The following SCN4A variants were observed in gnomAD, a reference collection of about 807,000 sequenced individuals.
SCN4A encodes the protein sodium channel protein type 4 subunit alpha.
SCN4A carries 83 observed loss-of-function variants against 162.0 expected under a neutral mutation model. The observed-to-expected ratio is 0.51, with a 90% CI of 0.43 to 0.61. The LOEUF is 0.61. Ranked by LOEUF, SCN4A falls within the 20% of genes least tolerant of loss-of-function variation. The pLI, the probability that SCN4A is intolerant of heterozygous loss-of-function variation, is 0.00. For missense variants in SCN4A, 2,196 were observed against 2,462.5 expected (o/e 0.89, Z 2.29); for synonymous variants, 944 against 985.1 (o/e 0.96, Z 0.78).
chr17:63,948,600 G>T lies in SCN4A; in HGVS notation c.3144+11C>A, dbSNP rs200951234. 4 of 1,611,206 alleles carry T rather than the reference G, an allele frequency of 2.5e-6. No homozygotes were observed. The highest frequency in any genetic ancestry group is 8.5e-7 in the Non-Finnish European group (1 of 1,178,414). On this transcript the variant is annotated intron_variant, in intron 16 of 23. Transcript: ENST00000435607. Reference sequence around the variant, plus strand: ...CCCTGCCCCTGACCCGTGCTCCCAGGCAGTGCCTACCAGAGCCCCACTGCT... The same window carrying T: ...CCCTGCCCCTGACCCGTGCTCCCAGTCAGTGCCTACCAGAGCCCCACTGCT...
At chr17:63,948,422 C>T (rs1353935293) in intron 16 of SCN4A, among the ~76,000 whole-genome samples, 189 bp downstream of exon 16, 1 of 152,178 alleles carries the variant, frequency 6.6e-6, no homozygotes, top group Non-Finnish European at 1.5e-5. Flanking sequence ...AAGGGAGGCA[C>T]CTCTGCCATG....
At chr17:63,948,146 T>G in intron 16 of SCN4A, 83 bp from the exon 17 acceptor site, 1 of 1,185,688 alleles carries the variant, frequency 8.4e-7, no homozygotes, top group South Asian at 1.7e-5. Flanking sequence ...TCTATGCTGC[T>G]GGTTCCCGGG....
chr17:63,961,170 T>TCCCCCCCCCCC, intron 11 of SCN4A, 23 bp downstream of exon 11: 3 of 1,016,008 alleles, frequency 3.0e-6, no homozygotes, highest in Admixed American at 1.9e-5. Flanking sequence ...CCATGAATGA[T>TCCCCCCCCCCC]CCCCTCCCCC....
chr17:63,947,985 T>C lies in SCN4A; in HGVS notation c.3223A>G (p.Ile1075Val). The C allele has an allele frequency of 6.2e-7, 1 of 1,613,940 alleles. No homozygotes were observed. The highest frequency in any genetic ancestry group is 1.3e-5 in the African/African-American group (1 of 75,044). The change falls in exon 17 of 24, where the codon ATC (isoleucine) becomes GTC (valine). Residue 1075 changes from isoleucine (I) to valine (V), a missense_variant. By Grantham distance (29) the Ile-to-Val change is conservative. Coordinates refer to ENST00000435607, the MANE Select transcript of SCN4A (RefSeq NM_000334.4). ...LEYADKVFTYIFIMEMLLKWV... is the reference protein window; with the variant it reads ...LEYADKVFTYVFIMEMLLKWV... Reference sequence around the variant, plus strand: ...TTGAGCAGCATCTCCATGATGAAGATGTAGGTGAAGACCTTGTCGGCATAT... The same window carrying C: ...TTGAGCAGCATCTCCATGATGAAGACGTAGGTGAAGACCTTGTCGGCATAT...
At chr17:63,955,131 C>T (rs905164203) in intron 13 of SCN4A, among the ~76,000 whole-genome samples, 9 of 152,206 alleles carry the variant, frequency 5.9e-5, no homozygotes, top group African/African-American at 1.2e-4. Context: ...TTGATGTTAT[C>T]GTTACTGGAG....
intron 18 of SCN4A, among the ~76,000 whole-genome samples, chr17:63,946,465 C>T (rs3785567): frequency 8.0e-6 from 1 of 124,570 alleles, no homozygotes. Flanking sequence ...TTTTCTTGCC[C>T]CCCCCCCCAC....
chr17:63,942,942 A>G lies in SCN4A; in HGVS notation c.4172T>C (p.Ile1391Thr). Residue 1391 changes from isoleucine to threonine, a missense_variant, in exon 23 of 24, where the codon ATC becomes ACC. Coordinates refer to ENST00000435607, the MANE Select transcript of SCN4A (RefSeq NM_000334.4). ...KVDILYNINM[I>T]FIIIFTGECV... Reference sequence around the variant, plus strand: ...CTCCCCTGTGAAGATGATGATGAAGATCATGTTGATGTTGTACAGGATGTC... The same window carrying G: ...CTCCCCTGTGAAGATGATGATGAAGGTCATGTTGATGTTGTACAGGATGTC... 2 of 1,613,968 alleles carry G rather than the reference A, an allele frequency of 1.2e-6. No individual in the cohort carries two copies. The highest frequency in any genetic ancestry group is 1.7e-6 in the Non-Finnish European group (2 of 1,179,876).
chr17:63,969,476 G>T (rs1337467258), intron 5 of SCN4A, among the ~76,000 whole-genome samples: 1 of 152,160 alleles, frequency 6.6e-6, no homozygotes, highest in Non-Finnish European at 1.5e-5. Flanking sequence ...CGAGGATGCT[G>T]GCAGCTGGCA....
At chr17:63,957,066 G>A (rs772390756) in intron 13 of SCN4A, 96 bp downstream of exon 13, 1 of 824,996 alleles carries the variant, frequency 1.2e-6, no homozygotes, top group Non-Finnish European at 1.9e-6. Context: ...CCATTTTGGA[G>A]AGGATGTGTT....
At chr17:63,956,168 G>A (rs113181958) in intron 13 of SCN4A, among the ~76,000 whole-genome samples, 2,265 of 152,366 alleles carry the variant, frequency 0.015, 51 homozygotes, top group African/African-American at 0.052. Context: ...CTCATGCCAA[G>A]CCCTGAACCA....
At position 63,941,418 on chromosome 17, in the gene SCN4A, C is replaced by T. The variant is rs369430918; in HGVS notation, c.4864G>A (p.Glu1622Lys). The T allele has an allele frequency of 5.5e-5, 88 of 1,613,926 alleles. No homozygotes were observed. Among genetic ancestry groups the T allele is most frequent in the African/African-American group, 9.3e-5 (7 of 74,882 alleles). The stretch of plus-strand genomic sequence containing the variant: ...TCGGGGTCGAACTTCTCCCATGTCT[C>T]GTAGAACATCTCAAAGTCATCTTCA... ...LGEDDFEMFYETWEKFDPDAT... is the reference protein window; with the variant it reads ...LGEDDFEMFYKTWEKFDPDAT... The change falls in exon 24 of 24, where the codon GAG becomes AAG. Residue 1622 changes from glutamate (E) to lysine (K), a missense_variant. Coordinates refer to ENST00000435607, the MANE Select transcript of SCN4A (RefSeq NM_000334.4). This position sits in a 1 kb window ranked among gnomAD's most constrained non-coding sequence, Gnocchi z 6.2.
chr17:63,971,023 C>T, intron 5 of SCN4A, 139 bp downstream of exon 5: 1 of 646,282 alleles, frequency 1.5e-6, no homozygotes, highest in Non-Finnish European at 2.8e-6. Context: ...TCACGTGGGC[C>T]CCTGTATGTC....
rs547866546 is a variant in SCN4A, at chr17:63,971,191, C to A, written c.674G>T (p.Arg225Leu). 6.4e-7 allele frequency: 1 copy of A among 1,564,874 alleles called. No homozygotes were observed. Among genetic ancestry groups the A allele is most frequent in the East Asian group, 2.4e-5 (1 of 42,230 alleles). ...ISALRTFRVLRALKTITVIPG... is the reference protein window; with the variant it reads ...ISALRTFRVLLALKTITVIPG... The stretch of plus-strand genomic sequence containing the variant: ...GATGACCGTGATGGTTTTGAGGGCC[C>A]GCAGCACCCGGAAGGTCCTCAGGGC... The change falls in exon 5 of 24, where the codon CGG becomes CTG. Residue 225 changes from arginine to leucine, a missense_variant. Arg to Leu is a moderately radical substitution (Grantham distance 102). Transcript: ENST00000435607.
intron 12 of SCN4A, among the ~76,000 whole-genome samples, chr17:63,958,002 T>TAAAAAAAAAAAAAAAAAAAAAA (rs60393540): frequency 1.8e-5 from 1 of 55,196 alleles, no homozygotes; most frequent in African/African-American, 6.0e-5. Context: ...AAAACTCCAC[T>TAAAAAAAAAAAAAAAAAAAAAA]AAAAAAAAAA....
chr17:63,950,239 C>T lies in SCN4A; in HGVS notation c.2854-711G>A, dbSNP rs370899890. On this transcript the variant is annotated intron_variant, in intron 14 of 23. Coordinates refer to ENST00000435607, the MANE Select transcript of SCN4A (RefSeq NM_000334.4). This position sits in a 1 kb window ranked among gnomAD's most constrained non-coding sequence, Gnocchi z 4.6. ...AAGAAGAGGGCAACTTGGGGGGCAG[C>T]TCTGTATCCAGAGTGGTGACCAGAA... 5.3e-5 allele frequency among the ~76,000 whole-genome samples: 8 copies of T among 152,272 alleles called. No homozygotes were observed. Among genetic ancestry groups the T allele is most frequent in the Middle Eastern group, 6.8e-3 (2 of 294 alleles).
chr17:63,953,926 A>T (rs1053720312), intron 13 of SCN4A, among the ~76,000 whole-genome samples: 1 of 152,170 alleles, frequency 6.6e-6, no homozygotes, highest in Non-Finnish European at 1.5e-5. Flanking sequence ...GCAGCCCTGA[A>T]GGTCTTTAAT....
In SCN4A at chr17:63,955,804, GTCT is replaced by G. The variant is rs544167385; in HGVS notation, c.2376+1355_2376+1357del. Among the ~76,000 whole-genome samples, 21 of 152,280 alleles carry G rather than the reference GTCT, an allele frequency of 1.4e-4. No individual in the cohort carries two copies. The South Asian group carries it at 4.4e-3, about 32-fold the overall frequency. The stretch of plus-strand genomic sequence containing the variant: ...GGTTCTCCTCTGTAGCTGCAGCATA[GTCT>G]TCTTCTGCAGCTGAGGTGACACCCC... On this transcript the variant is annotated intron_variant, in intron 13 of 23. Coordinates refer to ENST00000435607, the MANE Select transcript of SCN4A (RefSeq NM_000334.4).
chr17:63,946,476 C>CGG (rs1379376895), intron 18 of SCN4A, among the ~76,000 whole-genome samples: 3 of 128,164 alleles, frequency 2.3e-5, no homozygotes, highest in Non-Finnish European at 5.2e-5. Flanking sequence ...CCCCCCCCAC[C>CGG]CCGCCGCAAC....
rs1231074768 is a variant in SCN4A, at chr17:63,950,155, C to T, written c.2854-627G>A. Among the ~76,000 whole-genome samples the T allele has an allele frequency of 6.6e-6, 1 of 152,146 alleles. No homozygotes were observed. The highest frequency in any genetic ancestry group is 1.5e-5 in the Non-Finnish European group (1 of 68,034). On this transcript the variant is annotated intron_variant, in intron 14 of 23. Transcript: ENST00000435607. This position sits in a 1 kb window ranked among gnomAD's most constrained non-coding sequence, Gnocchi z 4.6. ...CTGGGCCAGGCCAGCTTCCCGGCCC[C>T]AGACTCCACCCGGCAGGGGACCCCT...
Sources: gnomAD v4.1 joint callset for allele counts (sites outside exome capture counted in the v4.1 genomes callset) on GRCh38, gnomAD v4.1.1 for gene constraint, Gnocchi (gnomAD v3.1) non-coding constraint, MANE v1.5 for transcripts, NCBI Gene and HGNC (gene_info 2026-07-23, HGNC 2026-07-21) for gene names.